The following PDS5A variants were observed in gnomAD, a reference collection of about 807,000 sequenced individuals.
PDS5A encodes the protein sister chromatid cohesion protein PDS5 homolog A.
In PDS5A, 42 loss-of-function variants were observed where a neutral mutation model predicts 167.1. The ratio of observed to expected loss-of-function variants is 0.25; its 90% CI spans 0.20 to 0.33. PDS5A has a LOEUF of 0.33. Among genes scored for constraint, PDS5A ranks in the 10% least tolerant of loss-of-function variants. The probability of loss-of-function intolerance (pLI) is 1.00; values close to 1 mark genes in which losing one functional copy is unlikely to be tolerated. For synonymous variants in PDS5A, 553 were observed against 554.6 expected (o/e 1.00, Z 0.04); for missense variants, 1,033 against 1,605.9 (o/e 0.64, Z 6.10).
intron 23 of PDS5A, among the ~76,000 whole-genome samples, chr4:39,865,326 C>G (rs1053284963): frequency 6.6e-6 from 1 of 152,018 alleles, no homozygotes; most frequent in Non-Finnish European, 1.5e-5. Flanking sequence ...ACATAATTAC[C>G]CCCAATTTAA....
intron 2 of PDS5A, among the ~76,000 whole-genome samples, chr4:39,966,545 A>C (rs1729980710): frequency 6.6e-6 from 1 of 152,230 alleles, no homozygotes; most frequent in Non-Finnish European, 1.5e-5. Context: ...AAACGAGGAT[A>C]CTTTCACAAA....
chr4:39,927,587 T>G (rs1725582781), intron 3 of PDS5A, among the ~76,000 whole-genome samples: 1 of 152,178 alleles, frequency 6.6e-6, no homozygotes, highest in Non-Finnish European at 1.5e-5. Context: ...GCTGAATAAC[T>G]TATAGGGGAA....
rs2109838528 is a variant in PDS5A, at chr4:39,977,272, G to T, written c.-41+185C>A. Among the ~76,000 whole-genome samples, 1 of 152,014 alleles carries T rather than the reference G, an allele frequency of 6.6e-6. No homozygotes were observed. The highest frequency in any genetic ancestry group is 2.0e-4 in the East Asian group (1 of 5,112). ...CTTCACATTTTGTTCCTTCAACTTC[G>T]GCTGAGGGACCCCAGCTGCTTCTCT... On this transcript the variant is annotated intron_variant, in intron 1 of 32. Transcript: ENST00000303538. This position sits in a 1 kb window ranked among gnomAD's most constrained non-coding sequence, Gnocchi z 4.2.
intron 22 of PDS5A, among the ~76,000 whole-genome samples, chr4:39,867,824 GT>G (rs1719685584): frequency 6.6e-6 from 1 of 151,684 alleles, no homozygotes; most frequent in African/African-American, 2.4e-5. Flanking sequence ...GAGAGTTTCA[GT>G]TTTGTGGTAT....
At chr4:39,954,158 T>C (rs1728678012) in intron 2 of PDS5A, among the ~76,000 whole-genome samples, 1 of 149,528 alleles carries the variant, frequency 6.7e-6, no homozygotes, top group Non-Finnish European at 1.5e-5. Context: ...CTGGACAACA[T>C]AGTGAGGCTC....
At chr4:39,964,819 TGTA>T (rs1729824996) in intron 2 of PDS5A, among the ~76,000 whole-genome samples, 1 of 152,080 alleles carries the variant, frequency 6.6e-6, no homozygotes, top group South Asian at 2.1e-4. Flanking sequence ...GGCACATGCC[TGTA>T]ATCCCAGCTA....
chr4:39,848,434 C>G (rs1717832872), intron 28 of PDS5A: 1 of 172,558 alleles, frequency 5.8e-6, no homozygotes, highest in South Asian at 1.3e-4. Flanking sequence ...TCATATAAAC[C>G]TAGATATTAG....
chr4:39,901,221 G>A (rs1722850139), intron 13 of PDS5A, among the ~76,000 whole-genome samples: 1 of 149,554 alleles, frequency 6.7e-6, no homozygotes, highest in African/African-American at 2.5e-5. Context: ...CAACACTATC[G>A]TAATAGAATT....
At chr4:39,923,711 C>T (rs1289235789) in intron 5 of PDS5A, among the ~76,000 whole-genome samples, 2 of 149,862 alleles carry the variant, frequency 1.3e-5, no homozygotes, top group African/African-American at 4.9e-5. Flanking sequence ...GCTTACATGC[C>T]CCAGATTTTT....
chr4:39,973,203 AGC>A (rs1408752819), intron 2 of PDS5A: 9 of 1,264,522 alleles, frequency 7.1e-6, no homozygotes, highest in Non-Finnish European at 1.0e-5. Context: ...CTTGTAATAT[AGC>A]TAGCTTCATG....
At chr4:39,955,274 T>C (rs1459853782) in intron 2 of PDS5A, among the ~76,000 whole-genome samples, 2 of 152,100 alleles carry the variant, frequency 1.3e-5, no homozygotes, top group Non-Finnish European at 2.9e-5. Context: ...AATATGGACT[T>C]TGAGTGATAA....
Position 39,874,329 on chromosome 4 carries a change from A to G in PDS5A, c.2237T>C (p.Ile746Thr), listed in dbSNP as rs769571147. 2.5e-6 allele frequency: 4 copies of G among 1,613,002 alleles called. No homozygotes were observed. Among genetic ancestry groups the G allele is most frequent in the Non-Finnish European group, 3.4e-6 (4 of 1,179,190 alleles). Residue 746 changes from isoleucine to threonine, a missense_variant, in exon 20 of 33, where the codon ATA becomes ACA. This residue lies in a region of PDS5A where 367 missense variants were observed against 686.7 expected (regional missense o/e 0.53). Transcript: ENST00000303538. ...AKQAVHCIHA[I>T]FTNKEVQLAQ... The stretch of plus-strand genomic sequence containing the variant: ...AAGCTGGACTTCTTTATTTGTGAAT[A>G]TGGCGTGTATACAGTGCACAGCCTG...
At chr4:39,944,459 C>G (rs920580454) in intron 2 of PDS5A, among the ~76,000 whole-genome samples, 1 of 151,890 alleles carries the variant, frequency 6.6e-6, no homozygotes, top group Non-Finnish European at 1.5e-5. Flanking sequence ...TCCGGGAGGC[C>G]GAGGTGGGCG....
chr4:39,965,309 C>T (rs1729874809), intron 2 of PDS5A, among the ~76,000 whole-genome samples: 2 of 152,194 alleles, frequency 1.3e-5, no homozygotes, highest in South Asian at 4.1e-4. Flanking sequence ...CAGCTGTTCC[C>T]ACTAAGGTAT....
In PDS5A at chr4:39,845,819, T is replaced by C; in HGVS notation, c.3401A>G (p.Lys1134Arg). ...TCAAAATTATTAAGTAAATAATACC[T>C]TTCCTGTTAACAGAAGTACTCTTGT... ...EETRVLLLTG[K>R]PKPAGVLGAV... Residue 1134 changes from lysine to arginine, a missense_variant and splice_region_variant, in exon 29 of 33, where the codon AAG becomes AGG. By Grantham distance (26) the Lys-to-Arg change is conservative. Transcript: ENST00000303538. The C allele has an allele frequency of 7.1e-7, 1 of 1,408,146 alleles. No homozygotes were observed. Among genetic ancestry groups the C allele is most frequent in the Non-Finnish European group, 9.3e-7 (1 of 1,075,594 alleles). 87.2% of individuals were successfully genotyped at this position (1,408,146 alleles called of 1,614,324 possible).
At chr4:39,890,995 T>C (rs1279722813) in intron 16 of PDS5A, among the ~76,000 whole-genome samples, 2 of 152,170 alleles carry the variant, frequency 1.3e-5, no homozygotes, top group African/African-American at 2.4e-5. Context: ...TTGGTTTTAA[T>C]TATTTCATAA....
rs563638933 is a variant in PDS5A at position 39,977,559 on chromosome 4, CCCG to C, written c.-146_-144del. 1,780 of 159,270 alleles carry C rather than the reference CCCG, an allele frequency of 0.011. 14 individuals are homozygous for C. Among genetic ancestry groups the C allele is most frequent in the East Asian group, 0.02 (106 of 5,394 alleles). 9.9% of individuals were successfully genotyped at this position (159,270 alleles called of 1,614,324 possible). A position where few individuals can be genotyped will look rare whatever the true frequency, so the allele number is the denominator to read the frequency against. ...CTGCACACAAAGCGGCTCCGCGGGT[CCCG>C]CCGCCGCCGCCGCCGCCGCCCGCCC... On this transcript the variant is annotated 5_prime_UTR_variant, in exon 1 of 33. Coordinates refer to ENST00000303538, the MANE Select transcript of PDS5A (RefSeq NM_001100399.2). The surrounding 1 kb of genome is among the most constrained non-coding windows in gnomAD (Gnocchi z 4.2).
intron 26 of PDS5A, among the ~76,000 whole-genome samples, chr4:39,856,752 G>A (rs971720718): frequency 6.6e-6 from 1 of 152,048 alleles, no homozygotes; most frequent in South Asian, 2.1e-4. Flanking sequence ...GGAGGCAGAG[G>A]TTGCAGTGAG....
intron 16 of PDS5A, among the ~76,000 whole-genome samples, chr4:39,891,772 T>C (rs1346266844): frequency 6.6e-6 from 1 of 152,160 alleles, no homozygotes; most frequent in African/African-American, 2.4e-5. Flanking sequence ...ATTTATAAGT[T>C]AGACATACAG....
Sources: allele counts gnomAD v4.1 joint callset (sites outside exome capture counted in the v4.1 genomes callset), GRCh38; gene constraint gnomAD v4.1.1; regional missense constraint gnomAD v4.1.1; non-coding constraint Gnocchi (gnomAD v3.1); transcripts MANE v1.5; gene names NCBI Gene and HGNC (gene_info 2026-07-23, HGNC 2026-07-21).